PLB1: variants seen among roughly 807,000 people sequenced by gnomAD.
PLB1 encodes phospholipase B1.
PLB1 carries 242 observed loss-of-function variants against 227.4 expected under a neutral mutation model. The ratio of observed to expected loss-of-function variants is 1.06; its 90% CI spans 0.96 to 1.18. The LOEUF is 1.18. Ranked by LOEUF, PLB1 falls within the 50% of genes most tolerant of loss-of-function variation. PLB1 has a pLI of 0.00. For missense variants in PLB1, 1,858 were observed against 1,816.3 expected (o/e 1.02, Z -0.42); for synonymous variants, 757 against 682.2 (o/e 1.11, Z -1.71).
chr2:28,582,489 C>T lies in PLB1; in HGVS notation c.1717C>T (p.Pro573Ser), dbSNP rs1453292114. ...GTACCAGGAGAAAAAAGTCTACTGC[C>T]CAAGGATGATCCTCAGGTCAGACAG... ...ELYQEKKVYC[P>S]RMILRSLCPC... Residue 573 changes from proline to serine, a missense_variant, in exon 25 of 58, where the codon CCA becomes TCA. Transcript: ENST00000327757. 6.2e-7 allele frequency: 1 copy of T among 1,608,276 alleles called. No individual in the cohort carries two copies. The highest frequency in any genetic ancestry group is 8.5e-7 in the Non-Finnish European group (1 of 1,176,790).
In PLB1 at chr2:28,526,351, C is replaced by G. The variant is rs1449832619; in HGVS notation, c.325+406C>G. ...CAAGGGGAGGACCCAGCCGAATTTC[C>G]AGTCTATTTTATCCTGTAATATTGC... On this transcript the variant is annotated intron_variant, in intron 6 of 57. Transcript: ENST00000327757. Among the ~76,000 whole-genome samples the G allele has an allele frequency of 2.0e-5, 3 of 152,012 alleles. No individual in the cohort carries two copies. In the East Asian group the frequency reaches 5.8e-4, roughly 29 times the overall value.
Position 28,620,885 on chromosome 2 carries a change from T to G in PLB1, c.3434T>G (p.Leu1145Arg). ...TCCTCCTCCTCCTCTAAAGACATTCTGAAGAAGTTCAACCCTTACCTCCTT... is the reference window on the plus strand; with the variant it reads ...TCCTCCTCCTCCTCTAAAGACATTCGGAAGAAGTTCAACCCTTACCTCCTT... ...LETHTTLPNI[L>R]KKFNPYLLGF... Residue 1145 changes from leucine to arginine, a missense_variant, in exon 49 of 58, where the codon CTG becomes CGG. By Grantham distance (102) the Leu-to-Arg change is moderately radical (BLOSUM62 -2). Coordinates refer to ENST00000327757, the MANE Select transcript of PLB1 (RefSeq NM_153021.5). The G allele has an allele frequency of 1.2e-6, 2 of 1,613,566 alleles. No homozygotes were observed. The highest frequency in any genetic ancestry group is 1.7e-6 in the Non-Finnish European group (2 of 1,179,588).
At chr2:28,589,840 A>AC in intron 28 of PLB1, 70 bp downstream of exon 28, 9 of 1,491,822 alleles carry the variant, frequency 6.0e-6, no homozygotes, top group Non-Finnish European at 8.4e-6. Flanking sequence ...CCTTTGGAGG[A>AC]CCTCGGAGGC....
chr2:28,604,695 CG>C lies in PLB1; in HGVS notation c.2898del (p.Gln967ArgfsTer66). 1 of 1,614,162 alleles carries C rather than the reference CG, an allele frequency of 6.2e-7. No individual in the cohort carries two copies. Among genetic ancestry groups the C allele is most frequent in the South Asian group, 1.1e-5 (1 of 91,082 alleles). On this transcript the variant is annotated frameshift_variant, in exon 41 of 58. Transcript: ENST00000327757. LOFTEE classifies it high-confidence loss of function. ...CTGGTGGGGTCAGGCCGCTATGACA[CG>C]CAGGAGGACTTCTCTGTGGTGCTGC... ...RELVGSGRYDTQEDFSVVLQP... is the reference protein window; with the variant it reads ...RELVGSGRYDXQEDFSVVLQP...
chr2:28,594,065 C>G, intron 33 of PLB1: 1 of 671,234 alleles, frequency 1.5e-6, no homozygotes. Flanking sequence ...TCTTCACCTC[C>G]CCGCTTGCAT....
At chr2:28,614,886 C>T (rs907422598) in intron 44 of PLB1, among the ~76,000 whole-genome samples, 9 of 152,296 alleles carry the variant, frequency 5.9e-5, no homozygotes, top group African/African-American at 2.2e-4. Flanking sequence ...TCCAGGAAGA[C>T]AGAAATGTTA....
Position 28,548,851 on chromosome 2 carries a change from C to A in PLB1, c.937-9C>A. The A allele has an allele frequency of 6.2e-7, 1 of 1,614,012 alleles. No individual in the cohort carries two copies. Among genetic ancestry groups the A allele is most frequent in the South Asian group, 1.1e-5 (1 of 91,052 alleles). ...ACTTCCCTGTTCTAAAGCCCACGTT[C>A]CTTTCTAGATGGAGCCAGCAGGAGA... On this transcript the variant is annotated splice_polypyrimidine_tract_variant and intron_variant, in intron 14 of 57. Coordinates refer to ENST00000327757, the MANE Select transcript of PLB1 (RefSeq NM_153021.5).
chr2:28,634,742 C>G (rs1689096006), intron 56 of PLB1, among the ~76,000 whole-genome samples: 3 of 152,116 alleles, frequency 2.0e-5, no homozygotes, highest in African/African-American at 7.2e-5. Context: ...GATTCTGTCT[C>G]TACAAAAATA....
intron 44 of PLB1, among the ~76,000 whole-genome samples, chr2:28,614,923 C>T (rs778208371): frequency 1.3e-5 from 2 of 152,196 alleles, no homozygotes; most frequent in Non-Finnish European, 2.9e-5. Context: ...CCGGCCCTCA[C>T]GTAGCTTACA....
chr2:28,548,814 T>C (rs537617524), intron 14 of PLB1, 46 bp from the exon 15 acceptor site: 46 of 1,582,490 alleles, frequency 2.9e-5, no homozygotes, highest in Non-Finnish European at 3.9e-5. Flanking sequence ...GGCAGGCTGC[T>C]ACCTGCACAA....
intron 1 of PLB1, among the ~76,000 whole-genome samples, chr2:28,513,025 G>A (rs960162940): frequency 2.0e-5 from 3 of 152,082 alleles, no homozygotes; most frequent in Non-Finnish European, 2.9e-5. Flanking sequence ...GCTGTAACTG[G>A]GTACAAAACA....
At position 28,538,318 on chromosome 2, in the gene PLB1, G is replaced by C. The variant is rs751689772; in HGVS notation, c.556-1G>C. 7 of 1,614,124 alleles carry C rather than the reference G, an allele frequency of 4.3e-6. No individual in the cohort carries two copies. In the South Asian group the frequency reaches 4.4e-5, roughly 10 times the overall value. ...CACTTAGCACGGTTCTCCTCTCACA[G>C]AATGGGCTTGCGGCGGGCGGCGTGG... On this transcript the variant is annotated splice_acceptor_variant, in intron 9 of 57. Transcript: ENST00000327757. LOFTEE classifies it high-confidence loss of function.
In PLB1 at chr2:28,525,893, T is replaced by G; in HGVS notation, c.285-12T>G. ...TGCAGCCTGACACTCACATGCCTGC[T>G]TCTACCTGCAGGACTGAAAGGCCAC... On this transcript the variant is annotated splice_polypyrimidine_tract_variant and intron_variant, in intron 5 of 57. Transcript: ENST00000327757. 2 of 1,614,022 alleles carry G rather than the reference T, an allele frequency of 1.2e-6. No individual in the cohort carries two copies. The highest frequency in any genetic ancestry group is 1.7e-6 in the Non-Finnish European group (2 of 1,179,958).
chr2:28,583,626 C>T (rs977162144), intron 25 of PLB1, among the ~76,000 whole-genome samples: 2 of 152,196 alleles, frequency 1.3e-5, no homozygotes, highest in African/African-American at 4.8e-5. Context: ...CCTTCAGCTG[C>T]GATGCACTCT....
At chr2:28,600,532 T>A (rs1373019054) in intron 35 of PLB1, among the ~76,000 whole-genome samples, 1 of 152,236 alleles carries the variant, frequency 6.6e-6, no homozygotes, top group Non-Finnish European at 1.5e-5. Flanking sequence ...AAGGCCCTTT[T>A]GCATGTGGAG....
In PLB1 at chr2:28,529,781, TAAGCA is replaced by T. The variant is rs1216307927; in HGVS notation, c.468+3_468+7del. 1.2e-6 allele frequency: 2 copies of T among 1,613,956 alleles called. No homozygotes were observed. Among genetic ancestry groups the T allele is most frequent in the African/African-American group, 2.7e-5 (2 of 74,914 alleles). ...GTGAGAAACATGAAAGAGAACCTGG[TAAGCA>T]TCCGTCCAACTCTGGCATGGCTGGG... is the stretch of plus-strand genomic sequence containing the variant. On this transcript the variant is annotated splice_donor_5th_base_variant and intron_variant, in intron 8 of 57. Coordinates refer to ENST00000327757, the MANE Select transcript of PLB1 (RefSeq NM_153021.5).
chr2:28,586,941 G>A (rs903599758), intron 26 of PLB1, among the ~76,000 whole-genome samples: 3 of 151,998 alleles, frequency 2.0e-5, no homozygotes, highest in Non-Finnish European at 4.4e-5. Context: ...TAGAGATTGG[G>A]TTTCACTATG....
In PLB1 at chr2:28,541,766, G is replaced by A; in HGVS notation, c.834G>A (p.Val278=). The A allele has an allele frequency of 2.5e-6, 4 of 1,613,998 alleles. No individual in the cohort carries two copies. Among genetic ancestry groups the A allele is most frequent in the Non-Finnish European group, 3.4e-6 (4 of 1,180,008 alleles). The change falls in exon 13 of 58, where the codon GTG becomes GTA. Residue 278 remains valine (V), a synonymous_variant. Transcript: ENST00000327757. ...ACAGTGAGCAGGAGTCCTTCACCGT[G>A]GTTTTCCAGCCTTTCTTCTATGAGA... The part of the protein sequence containing the change: ...SRYSEQESFT[V]VFQPFFYETT...
chr2:28,608,277 T>A (rs148305861), intron 43 of PLB1, among the ~76,000 whole-genome samples: 1 of 152,346 alleles, frequency 6.6e-6, no homozygotes, highest in Non-Finnish European at 1.5e-5. Context: ...CATTCCTCAG[T>A]CCCATCTGCT....
Sources: allele counts gnomAD v4.1 joint callset (sites outside exome capture counted in the v4.1 genomes callset), GRCh38; gene constraint gnomAD v4.1.1; transcripts MANE v1.5; gene names NCBI Gene and HGNC (gene_info 2026-07-23, HGNC 2026-07-21).